MYOM3: variants seen among roughly 807,000 people sequenced by gnomAD.
MYOM3 encodes the protein myomesin 3, also known as myomesin-3.
Under a neutral mutation model 191.7 loss-of-function variants are expected in MYOM3, and 155 were observed. That is an observed-to-expected ratio of 0.81 (90% CI 0.71 to 0.92). The LOEUF is 0.92. Ranked by LOEUF, MYOM3 falls within the 40% of genes least tolerant of loss-of-function variation. The pLI is 0.00. For missense variants in MYOM3, 1,889 were observed against 1,890.6 expected (o/e 1.00, Z 0.02); for synonymous variants, 757 against 762.9 (o/e 0.99, Z 0.13).
At chr1:24,108,449 G>C (rs749046735) in intron 2 of MYOM3, 27 bp downstream of exon 2, 3 of 1,517,208 alleles carry the variant, frequency 2.0e-6, no homozygotes, top group Non-Finnish European at 2.7e-6. Context: ...CAGGGCAGTG[G>C]CTGGGCGGGG....
intron 1 of MYOM3, among the ~76,000 whole-genome samples, chr1:24,110,180 C>T (rs1304085241): frequency 1.3e-5 from 2 of 152,202 alleles, no homozygotes. Flanking sequence ...AGGTGGGAAT[C>T]CTGGTCTGCA....
intron 21 of MYOM3, among the ~76,000 whole-genome samples, 158 bp from the exon 22 acceptor site, chr1:24,075,633 C>T (rs764791377): frequency 1.3e-5 from 2 of 152,188 alleles, no homozygotes; most frequent in African/African-American, 4.8e-5. Flanking sequence ...CCGGCTCCTT[C>T]CCACCTCAAA....
rs1412791481 is a variant in MYOM3 at position 24,068,266 on chromosome 1, A to T, written c.3252T>A (p.Asp1084Glu). Residue 1084 changes from aspartate to glutamate, a missense_variant, in exon 26 of 37, where the codon GAT (aspartate) becomes GAA (glutamate). Physicochemically the swap from Asp to Glu is conservative, Grantham distance 45. Transcript: ENST00000374434. ...AGGTAATCTGGTTTTTGGCTTTTCC[A>T]TCTTGGAGTTGAGCGGTGTACGACC... Reference protein sequence around the residue: ...DKGSYTAQLQDGKAKNQITLT... With the variant: ...DKGSYTAQLQEGKAKNQITLT... The T allele has an allele frequency of 2.5e-6, 4 of 1,614,032 alleles. No individual in the cohort carries two copies. The highest frequency in any genetic ancestry group is 3.4e-6 in the Non-Finnish European group (4 of 1,180,024).
intron 11 of MYOM3, among the ~76,000 whole-genome samples, chr1:24,091,324 G>A (rs1643821818): frequency 2.0e-5 from 3 of 152,168 alleles, no homozygotes; most frequent in South Asian, 4.1e-4. Flanking sequence ...CACACATGGA[G>A]GATCTGTGGC....
intron 18 of MYOM3, 29 bp from the exon 19 acceptor site, chr1:24,081,485 G>T: frequency 6.2e-7 from 1 of 1,608,262 alleles, no homozygotes; most frequent in Non-Finnish European, 8.5e-7. Context: ...AAACTATGAG[G>T]CTGAGGCTGG....
intron 5 of MYOM3, among the ~76,000 whole-genome samples, chr1:24,103,821 C>T (rs934991493): frequency 3.3e-5 from 5 of 152,146 alleles, no homozygotes; most frequent in African/African-American, 9.6e-5. Flanking sequence ...GATCTCCCCC[C>T]GCCCCACAAA....
intron 16 of MYOM3, 46 bp from the exon 17 acceptor site, chr1:24,082,760 A>G: frequency 1.3e-6 from 2 of 1,523,724 alleles, no homozygotes; most frequent in Admixed American, 4.3e-5. Context: ...AACAGCCTGG[A>G]GACATTCCCA....
At position 24,092,467 on chromosome 1, in the gene MYOM3, C is replaced by T. The variant is rs1570879420; in HGVS notation, c.1091-152G>A. The T allele has an allele frequency of 1.0e-5, 6 of 582,566 alleles. No individual in the cohort carries two copies. In the East Asian group the frequency reaches 2.1e-4, roughly 20 times the overall value. The allele number at this position is 582,566 out of a possible 1,614,324, so 36.1% of individuals were successfully genotyped here. ...GGGGCCTGAATATTAGTCCCACTAC[C>T]CCCATAGCAGTATCTGAGGGAAGGA... On this transcript the variant is annotated intron_variant, in intron 10 of 36. Transcript: ENST00000374434.
intron 23 of MYOM3, among the ~76,000 whole-genome samples, chr1:24,072,280 C>T (rs915436159): frequency 6.6e-5 from 10 of 152,190 alleles, no homozygotes; most frequent in African/African-American, 1.7e-4. Flanking sequence ...GATCAAGTCT[C>T]GCCTCCCTAG....
intron 28 of MYOM3, chr1:24,066,372 A>AGAGACCACTTCATCATCTTTGCG (rs1643434477): frequency 3.2e-6 from 2 of 628,340 alleles, no homozygotes; most frequent in Middle Eastern, 2.6e-4. Flanking sequence ...CAAGGCCCAC[A>AGAGACCACTTCATCATCTTTGCG]GAGACCACTT....
At chr1:24,070,765 CAG>C (rs1324685547) in intron 25 of MYOM3, among the ~76,000 whole-genome samples, 1 of 151,992 alleles carries the variant, frequency 6.6e-6, no homozygotes, top group Non-Finnish European at 1.5e-5. Context: ...ATACCTAAAA[CAG>C]AGTTAGAGTC....
At chr1:24,106,522 C>T (rs12062137) in intron 4 of MYOM3, among the ~76,000 whole-genome samples, 20,870 of 152,090 alleles carry the variant, frequency 0.14, 1,970 homozygotes, top group African/African-American at 0.27. Flanking sequence ...CAAACCCAGT[C>T]TCCTTTAAAT....
chr1:24,074,262 C>T lies in MYOM3; in HGVS notation c.2866G>A (p.Val956Ile), dbSNP rs1266001118. 6.2e-7 allele frequency: 1 copy of T among 1,613,486 alleles called. No homozygotes were observed. The highest frequency in any genetic ancestry group is 8.5e-7 in the Non-Finnish European group (1 of 1,179,612). ...TCGAGGCCGGGTTCTTTCAGGATGACCTTGGACCTGGCAGAGAGAGGAGAG... is the reference window on the plus strand; with the variant it reads ...TCGAGGCCGGGTTCTTTCAGGATGATCTTGGACCTGGCAGAGAGAGGAGAG... Reference protein sequence around the residue: ...KIEDKVNKSKVILKEPGLEDL... With the variant: ...KIEDKVNKSKIILKEPGLEDL... Residue 956 changes from valine (V) to isoleucine (I), a missense_variant, in exon 23 of 37, where the codon GTC (valine) becomes ATC (isoleucine). Transcript: ENST00000374434.
chr1:24,096,249 G>T (rs544494230), intron 7 of MYOM3, among the ~76,000 whole-genome samples: 85 of 152,334 alleles, frequency 5.6e-4, no homozygotes, highest in Admixed American at 1.3e-3. Context: ...GGAACTCAGG[G>T]CTCCTGTCCC....
Position 24,090,108 on chromosome 1 carries a change from A to G in MYOM3, c.1443T>C (p.Phe481=). 2 of 1,614,014 alleles carry G rather than the reference A, an allele frequency of 1.2e-6. No individual in the cohort carries two copies. The highest frequency in any genetic ancestry group is 1.7e-6 in the Non-Finnish European group (2 of 1,179,914). ...TGATGGTGATCTTGTTTCCCAGATC[A>G]AAGGGGATCTCTAGGATGAGAAGGG... ...DAARRKTEIP[F]DLGNKITIST... The change falls in exon 13 of 37, where the codon TTT becomes TTC. Residue 481 remains phenylalanine, a synonymous_variant. Coordinates refer to ENST00000374434, the MANE Select transcript of MYOM3 (RefSeq NM_152372.4).
chr1:24,084,452 G>C lies in MYOM3; in HGVS notation c.1970+16C>G. The C allele has an allele frequency of 1.9e-6, 3 of 1,613,690 alleles. No individual in the cohort carries two copies. The highest frequency in any genetic ancestry group is 2.5e-6 in the Non-Finnish European group (3 of 1,179,640). ...TAGCAGTGTGAGAACAGACTGATAC[G>C]GGTGGGCAGACGTACCTGGTGCCTT... On this transcript the variant is annotated intron_variant, in intron 16 of 36. Transcript: ENST00000374434.
At chr1:24,086,876 C>CACAGAGCCGG in intron 14 of MYOM3, 49 bp from the exon 15 acceptor site, 1 of 1,572,266 alleles carries the variant, frequency 6.4e-7, no homozygotes, top group Non-Finnish European at 8.7e-7. Flanking sequence ...CCCAGACCGG[C>CACAGAGCCGG]TCTGTGCTGG....
At position 24,063,011 on chromosome 1, in the gene MYOM3, G is replaced by T; in HGVS notation, c.3770+115C>A. 1.6e-6 allele frequency: 1 copy of T among 629,968 alleles called. No homozygotes were observed. The allele number at this position is 629,968 out of a possible 1,614,324, so 39.0% of individuals were successfully genotyped here. A position where few individuals can be genotyped will look rare whatever the true frequency, so the allele number is the denominator to read the frequency against. ...AACCCCTGGGACCAGGCTCTGCTTG[G>T]GGGACCAGAAACTCTGCTTGGAGGA... is the stretch of plus-strand genomic sequence containing the variant. On this transcript the variant is annotated intron_variant, in intron 32 of 36. Coordinates refer to ENST00000374434, the MANE Select transcript of MYOM3 (RefSeq NM_152372.4). The surrounding 1 kb of genome is among the most constrained non-coding windows in gnomAD (Gnocchi z 4.5).
chr1:24,094,710 G>A (rs910120822), intron 9 of MYOM3, 143 bp downstream of exon 9: 18 of 785,420 alleles, frequency 2.3e-5, no homozygotes, highest in Admixed American at 2.2e-4. Context: ...CTGCACTCCC[G>A]CTCTCCTCTG....
Sources: allele counts gnomAD v4.1 joint callset (sites outside exome capture counted in the v4.1 genomes callset), GRCh38; gene constraint gnomAD v4.1.1; non-coding constraint Gnocchi (gnomAD v3.1); transcripts MANE v1.5; gene names NCBI Gene and HGNC (gene_info 2026-07-23, HGNC 2026-07-21).